CNTN1: variants seen among roughly 807,000 people sequenced by gnomAD.
CNTN1 encodes contactin-1.
In CNTN1, 38 loss-of-function variants were observed where a neutral mutation model predicts 126.4. The ratio of observed to expected loss-of-function variants is 0.30; its 90% CI spans 0.23 to 0.39. The LOEUF is 0.39. CNTN1 is among the 10% of genes least tolerant of loss of function. The pLI is 1.00. For missense variants in CNTN1, 1,009 were observed against 1,248.4 expected, an observed-to-expected ratio of 0.81 and a Z score of 2.89; for synonymous variants, 413 against 422.6, an observed-to-expected ratio of 0.98 and a Z score of 0.28.
intron 1 of CNTN1, among the ~76,000 whole-genome samples, chr12:40,868,122 T>C (rs1030344413): frequency 2.0e-5 from 3 of 152,052 alleles, no homozygotes; most frequent in Non-Finnish European, 4.4e-5. Flanking sequence ...CTTGAGATAA[T>C]AGCTTCTATT....
At chr12:40,885,655 AGT>A (rs1944004518) in intron 1 of CNTN1, among the ~76,000 whole-genome samples, 1 of 152,064 alleles carries the variant, frequency 6.6e-6, no homozygotes, top group South Asian at 2.1e-4. Flanking sequence ...GTTAGTAGTA[AGT>A]GCTATGTATG....
At chr12:40,948,842 C>T (rs1309414544) in intron 14 of CNTN1, among the ~76,000 whole-genome samples, 1 of 152,178 alleles carries the variant, frequency 6.6e-6, no homozygotes, top group African/African-American at 2.4e-5. Flanking sequence ...TGTTGGCCAC[C>T]TTTGCAATAC....
At position 40,943,615 on chromosome 12, in the gene CNTN1, TG is replaced by T; in HGVS notation, c.1400del (p.Gly467ValfsTer80). On this transcript the variant is annotated frameshift_variant, in exon 13 of 24. Transcript: ENST00000551295. LOFTEE classifies it high-confidence loss of function. Reference sequence around the variant, plus strand: ...TCACTAGAATACTCATTTGGGAAGATGGTAGCTTGGAAATCAACAACATTAC... The same window carrying T: ...TCACTAGAATACTCATTTGGGAAGATGTAGCTTGGAAATCAACAACATTAC... ...NSSRILIWED[G>X]SLEINNITRN... The T allele has an allele frequency of 6.3e-7, 1 of 1,584,860 alleles. No individual in the cohort carries two copies. The highest frequency in any genetic ancestry group is 1.3e-5 in the African/African-American group (1 of 74,404).
chr12:40,773,798 G>A (rs1407932904), intron 1 of CNTN1, among the ~76,000 whole-genome samples: 3 of 149,978 alleles, frequency 2.0e-5, no homozygotes, highest in Admixed American at 1.3e-4. Flanking sequence ...AGCAAATTTT[G>A]CACAAAAATT....
At chr12:40,771,091 G>T (rs1275950710) in intron 1 of CNTN1, among the ~76,000 whole-genome samples, 1 of 152,006 alleles carries the variant, frequency 6.6e-6, no homozygotes, top group Non-Finnish European at 1.5e-5. Context: ...CCTGCTCTAA[G>T]AGAAACCCAG....
At position 40,893,314 on chromosome 12, in the gene CNTN1, GA is replaced by G. The variant is rs1338083636; in HGVS notation, c.-76-15036del. ...TCAAACTCAAAATTGATGCTTTATT[GA>G]AAAAAACTAAATGTCTTTAAATTGC... On this transcript the variant is annotated intron_variant, in intron 1 of 23. Transcript: ENST00000551295. 7.9e-5 allele frequency among the ~76,000 whole-genome samples: 12 copies of G among 151,836 alleles called. No individual in the cohort carries two copies. In the East Asian group the frequency reaches 1.7e-3, roughly 22 times the overall value.
chr12:40,961,967 A>G (rs968576420), intron 15 of CNTN1, among the ~76,000 whole-genome samples: 6 of 151,510 alleles, frequency 4.0e-5, no homozygotes, highest in African/African-American at 2.4e-5. Context: ...ATTTTAATCC[A>G]TATTCAGATA....
chr12:40,851,255 G>A (rs936073087), intron 1 of CNTN1, among the ~76,000 whole-genome samples: 26 of 152,152 alleles, frequency 1.7e-4, no homozygotes, highest in Admixed American at 7.2e-4. Context: ...TGTGACTCTC[G>A]TCTCTAGTTT....
chr12:41,036,719 A>T (rs372308006), intron 23 of CNTN1, among the ~76,000 whole-genome samples: 96 of 152,282 alleles, frequency 6.3e-4, no homozygotes, highest in African/African-American at 2.2e-3. Context: ...CAGTATTATG[A>T]TAACCTCATA....
chr12:40,863,672 TA>T (rs1346254274), intron 1 of CNTN1, among the ~76,000 whole-genome samples: 1 of 152,132 alleles, frequency 6.6e-6, no homozygotes, highest in African/African-American at 2.4e-5. Flanking sequence ...ATAGTAGCAT[TA>T]GATTCTCATA....
intron 17 of CNTN1, among the ~76,000 whole-genome samples, chr12:41,012,440 G>T (rs953049237): frequency 2.6e-5 from 4 of 152,186 alleles, no homozygotes; most frequent in African/African-American, 9.7e-5. Context: ...AGGAAAGAAA[G>T]AAATTATGAT....
At chr12:40,706,066 A>G (rs931475785) in intron 1 of CNTN1, among the ~76,000 whole-genome samples, 29 of 151,476 alleles carry the variant, frequency 1.9e-4, no homozygotes, top group African/African-American at 7.0e-4. Context: ...TTGGGTGGCA[A>G]CAGAGATCCA....
intron 17 of CNTN1, among the ~76,000 whole-genome samples, chr12:41,012,798 C>T (rs893068893): frequency 1.3e-5 from 2 of 152,128 alleles, no homozygotes; most frequent in African/African-American, 4.8e-5. Flanking sequence ...AATGAAAGGA[C>T]AGAGTTGGAG....
chr12:40,781,563 C>T (rs1299263086), intron 1 of CNTN1, among the ~76,000 whole-genome samples: 4 of 151,916 alleles, frequency 2.6e-5, no homozygotes, highest in Non-Finnish European at 5.9e-5. Flanking sequence ...ATTTTATTAT[C>T]TTGTATGGGC....
At chr12:40,927,369 T>A (rs777142219) in intron 6 of CNTN1, among the ~76,000 whole-genome samples, 21 of 152,046 alleles carry the variant, frequency 1.4e-4, no homozygotes, top group Non-Finnish European at 3.1e-4. Context: ...ATTGACAAAG[T>A]CACATCTCAT....
chr12:41,066,009 T>C (rs1350142122), intron 23 of CNTN1, among the ~76,000 whole-genome samples: 2 of 152,202 alleles, frequency 1.3e-5, no homozygotes, highest in African/African-American at 2.4e-5. Context: ...GTGTACCTAA[T>C]ATACCTCATA....
chr12:41,050,829 T>C (rs1024364621), intron 23 of CNTN1, among the ~76,000 whole-genome samples: 2 of 152,266 alleles, frequency 1.3e-5, no homozygotes, highest in East Asian at 1.9e-4. Context: ...TTCTTCATTA[T>C]TGCCTCCCTA....
intron 1 of CNTN1, among the ~76,000 whole-genome samples, chr12:40,693,662 G>C (rs982613754): frequency 2.6e-5 from 4 of 152,162 alleles, no homozygotes; most frequent in African/African-American, 2.4e-5. Flanking sequence ...TCGTACGTGT[G>C]CTTGTGTGTG....
At chr12:41,066,845 A>AC (rs1313367247) in intron 23 of CNTN1, among the ~76,000 whole-genome samples, 1 of 152,194 alleles carries the variant, frequency 6.6e-6, no homozygotes, top group African/African-American at 2.4e-5. Flanking sequence ...TTAGATTTAA[A>AC]AAAAAATCAA....
Sources: allele counts gnomAD v4.1 joint callset (sites outside exome capture counted in the v4.1 genomes callset), GRCh38; gene constraint gnomAD v4.1.1; transcripts MANE v1.5; gene names NCBI Gene and HGNC (gene_info 2026-07-23, HGNC 2026-07-21).